The following COL4A4 variants were observed in gnomAD, a reference collection of about 807,000 sequenced individuals.
COL4A4 encodes the protein collagen alpha-4(IV) chain.
Under a neutral mutation model 192.9 loss-of-function variants are expected in COL4A4, and 105 were observed. That is an observed-to-expected ratio of 0.54 (90% CI 0.46 to 0.64). The LOEUF is 0.64. Among genes scored for constraint, COL4A4 ranks in the 30% least tolerant of loss-of-function variants. The pLI is 0.00. For synonymous variants in COL4A4, 762 were observed against 769.9 expected (o/e 0.99, Z 0.17); for missense variants, 1,967 against 2,169.3 (o/e 0.91, Z 1.85).
chr2:227,115,976 C>G (rs906353967), intron 7 of COL4A4, among the ~76,000 whole-genome samples: 21 of 152,202 alleles, frequency 1.4e-4, no homozygotes, highest in Non-Finnish European at 5.9e-5. Flanking sequence ...ATTGTGATTA[C>G]TGCATGATCA....
At chr2:227,037,735 C>T (rs1484063809) in intron 37 of COL4A4, among the ~76,000 whole-genome samples, 2 of 152,096 alleles carry the variant, frequency 1.3e-5, no homozygotes, top group African/African-American at 4.8e-5. Flanking sequence ...TCTCCACATC[C>T]TCTCCAGCAA....
Position 227,031,041 on chromosome 2 carries a change from A to ATGGATGGATGGATGGATGGATG in COL4A4, c.3818-444_3818-443insCATCCATCCATCCATCCATCCA, listed in dbSNP as rs1553626076. On this transcript the variant is annotated intron_variant, in intron 40 of 47. Transcript: ENST00000396625. ...TATGTGGATAGATGGTTGGATGGAC[A>ATGGATGGATGGATGGATGGATG]GATGGATGGATGGATGGATGGATGG... 2.9e-3 allele frequency among the ~76,000 whole-genome samples: 419 copies of ATGGATGGATGGATGGATGGATG among 146,350 alleles called. 2 individuals carry two copies. Among genetic ancestry groups the ATGGATGGATGGATGGATGGATG allele is most frequent in the African/African-American group, 0.01 (392 of 38,946 alleles).
rs770016426 is a variant in COL4A4 at position 227,050,974 on chromosome 2, T to G, written c.3150+3A>C. 1 of 1,614,212 alleles carries G rather than the reference T, an allele frequency of 6.2e-7. No individual in the cohort carries two copies. Among genetic ancestry groups the G allele is most frequent in the Admixed American group, 1.7e-5 (1 of 60,026 alleles). Reference sequence around the variant, plus strand: ...CTTCCCCCACAAAGCAGTAGCCCCTTACCTGGTCACCTGGAAGTCCTGGAA... The same window carrying G: ...CTTCCCCCACAAAGCAGTAGCCCCTGACCTGGTCACCTGGAAGTCCTGGAA... On this transcript the variant is annotated splice_donor_region_variant and intron_variant, in intron 33 of 47. Coordinates refer to ENST00000396625, the MANE Select transcript of COL4A4 (RefSeq NM_000092.5).
intron 9 of COL4A4, 56 bp downstream of exon 9, chr2:227,111,622 G>A: frequency 6.4e-7 from 1 of 1,572,592 alleles, no homozygotes; most frequent in Non-Finnish European, 8.8e-7. Flanking sequence ...TTAAAACGTG[G>A]ATCATAGGCT....
At chr2:227,152,722 G>T (rs1050515359) in intron 1 of COL4A4, among the ~76,000 whole-genome samples, 3 of 152,298 alleles carry the variant, frequency 2.0e-5, no homozygotes, top group East Asian at 3.9e-4. Flanking sequence ...CCTGTGTTAA[G>T]AGCACAAAAT....
intron 4 of COL4A4, among the ~76,000 whole-genome samples, chr2:227,127,062 C>T (rs1023393640): frequency 2.0e-5 from 3 of 152,206 alleles, no homozygotes; most frequent in African/African-American, 7.2e-5. Flanking sequence ...CTGCACTCTC[C>T]ACCACCAACA....
chr2:227,146,801 G>T (rs780524980), intron 2 of COL4A4, among the ~76,000 whole-genome samples: 2 of 152,096 alleles, frequency 1.3e-5, no homozygotes, highest in South Asian at 4.2e-4. Context: ...GCTGCATCCC[G>T]CTGGCCTCTG....
chr2:227,054,531 C>T (rs1189748088), intron 31 of COL4A4, 63 bp downstream of exon 31: 2 of 1,574,986 alleles, frequency 1.3e-6, no homozygotes, highest in African/African-American at 2.7e-5. Context: ...TCAGAGATCA[C>T]ATTTCTAGGT....
At chr2:227,051,619 G>T (rs1453970825) in intron 32 of COL4A4, among the ~76,000 whole-genome samples, 1 of 152,182 alleles carries the variant, frequency 6.6e-6, no homozygotes, top group Non-Finnish European at 1.5e-5. Flanking sequence ...ATACCTGGCT[G>T]CCCCAGAGCT....
chr2:227,147,870 A>G (rs1172983325), intron 1 of COL4A4, among the ~76,000 whole-genome samples: 2 of 149,986 alleles, frequency 1.3e-5, no homozygotes, highest in Non-Finnish European at 3.0e-5. Flanking sequence ...TTATATATGT[A>G]TAAATAATTG....
At chr2:227,112,272 C>CTTT (rs544939081) in intron 8 of COL4A4, among the ~76,000 whole-genome samples, 4,781 of 144,796 alleles carry the variant, frequency 0.033, 259 homozygotes, top group African/African-American at 0.11. Flanking sequence ...ACATTTCAAC[C>CTTT]TTTTTTTTTT....
intron 1 of COL4A4, among the ~76,000 whole-genome samples, chr2:227,150,973 G>C (rs1221897937): frequency 1.3e-5 from 2 of 151,618 alleles, no homozygotes; most frequent in East Asian, 3.9e-4. Flanking sequence ...ATAATTTCTG[G>C]AGTATTATAA....
chr2:227,067,727 G>A (rs1010698719), intron 25 of COL4A4, among the ~76,000 whole-genome samples: 19 of 152,098 alleles, frequency 1.2e-4, no homozygotes, highest in African/African-American at 4.6e-4. Flanking sequence ...AGTGTGTAGA[G>A]GGAAATTTAT....
intron 7 of COL4A4, among the ~76,000 whole-genome samples, chr2:227,116,371 T>C (rs995786295): frequency 6.6e-6 from 1 of 152,216 alleles, no homozygotes; most frequent in Non-Finnish European, 1.5e-5. Context: ...AGAACATCTC[T>C]GGGACTAATG....
chr2:227,075,360 A>G (rs1382740601), intron 25 of COL4A4, among the ~76,000 whole-genome samples: 1 of 152,212 alleles, frequency 6.6e-6, no homozygotes, highest in Non-Finnish European at 1.5e-5. Flanking sequence ...AACATAATTC[A>G]TCACATAAAC....
intron 1 of COL4A4, among the ~76,000 whole-genome samples, chr2:227,161,497 C>G (rs2064829298): frequency 6.6e-6 from 1 of 152,146 alleles, no homozygotes; most frequent in African/African-American, 2.4e-5. Context: ...TCTCTTGACC[C>G]AAAGACAATT....
At chr2:227,115,316 G>A (rs891018207) in intron 7 of COL4A4, among the ~76,000 whole-genome samples, 1 of 145,390 alleles carries the variant, frequency 6.9e-6, no homozygotes, top group African/African-American at 2.6e-5. Flanking sequence ...TGTCTACCAG[G>A]CTGGAGTGCA....
intron 17 of COL4A4, 149 bp from the exon 18 acceptor site, chr2:227,099,838 C>G: frequency 1.4e-6 from 1 of 722,280 alleles, no homozygotes; most frequent in Non-Finnish European, 2.4e-6. Context: ...TCCATGGAGT[C>G]TTAGGAGCAG....
At chr2:227,156,266 G>A (rs900917715) in intron 1 of COL4A4, among the ~76,000 whole-genome samples, 1 of 151,986 alleles carries the variant, frequency 6.6e-6, no homozygotes, top group Admixed American at 6.6e-5. Flanking sequence ...CAGCTGGGTT[G>A]CACGTGCCTG....
Sources: allele counts gnomAD v4.1 joint callset (sites outside exome capture counted in the v4.1 genomes callset), GRCh38; gene constraint gnomAD v4.1.1; transcripts MANE v1.5; gene names NCBI Gene and HGNC (gene_info 2026-07-23, HGNC 2026-07-21).